Variants in ARMCX4 observed in about 807,000 individuals in gnomAD.
ARMCX4 encodes the protein armadillo repeat-containing X-linked protein 4.
ARMCX4 carries 3 observed loss-of-function variants against 34.7 expected under a neutral mutation model. The observed-to-expected ratio is 0.09, with a 90% confidence interval of 0.04 to 0.22. ARMCX4 has a LOEUF of 0.22. Ranked by LOEUF, ARMCX4 falls within the 10% of genes least tolerant of loss-of-function variation. ARMCX4 has a pLI of 1.00. For synonymous variants in ARMCX4, 513 were observed against 632.8 expected, an observed-to-expected ratio of 0.81 and a Z score of 2.84; for missense variants, 1,448 against 1,720.8, an observed-to-expected ratio of 0.84 and a Z score of 2.81.
intron 12 of ARMCX4, chrX:101,532,763 A>G (rs952205961): frequency 8.9e-6 from 1 of 111,921 alleles, no homozygotes; most frequent in Admixed American, 9.5e-5. Flanking sequence ...CTTCAGTGGG[A>G]AACTGTAACA....
chrX:101,526,753 G>A (rs1556020661), intron 11 of ARMCX4, among the ~76,000 whole-genome samples: 1 of 111,896 alleles, frequency 8.9e-6, no homozygotes, highest in South Asian at 3.7e-4. Context: ...ACATAATGGT[G>A]AAGGGATCAA....
chrX:101,497,299 C>T (rs1434152102), downstream of ARMCX4, among the ~76,000 whole-genome samples: 7 of 109,843 alleles, frequency 6.4e-5, no homozygotes, highest in South Asian at 3.9e-4. Flanking sequence ...TACAATGGCA[C>T]GGTCTGGGCT....
intron 4 of ARMCX4, among the ~76,000 whole-genome samples, chrX:101,455,907 G>A (rs913126551): frequency 2.7e-5 from 3 of 110,957 alleles, no homozygotes; most frequent in Non-Finnish European, 5.7e-5. Context: ...GTCAGAATAC[G>A]AGACATACGG....
At chrX:101,518,252 G>A (rs1267780352) in intron 11 of ARMCX4, among the ~76,000 whole-genome samples, 2 of 111,378 alleles carry the variant, frequency 1.8e-5, no homozygotes, top group Non-Finnish European at 3.8e-5. Context: ...TATAATAACA[G>A]AGTAAAAAAT....
At chrX:101,477,232 G>T in intron 4 of ARMCX4, among the ~76,000 whole-genome samples, 1 of 108,525 alleles carries the variant, frequency 9.2e-6, no homozygotes, top group Non-Finnish European at 1.9e-5. Flanking sequence ...TTGAAGTCAA[G>T]AGTTTGAGGC....
rs1556009291 is a variant in ARMCX4 at position 101,491,683 on chromosome X, A to T, written c.3094A>T (p.Ile1032Phe). ...AGTRHSAQPQ[I>F]VAGSQGETLP... is the part of the protein sequence containing the mutation. ...CACAAGGCACTCTGCCCAGCCTCAG[A>T]TTGTGGCCGGTTCCCAGGGTGAGAC... Residue 1032 changes from isoleucine to phenylalanine, a missense_variant, in exon 6 of 6, where the codon ATT becomes TTT. Physicochemically the swap from Ile to Phe is conservative, Grantham distance 21. This residue lies in a region of ARMCX4 where 1,343 missense variants were observed against 1,540.7 expected (regional missense o/e 0.87). Transcript: ENST00000423738. The T allele has an allele frequency of 8.7e-7, 1 of 1,152,533 alleles. No individual in the cohort carries two copies. The highest frequency in any genetic ancestry group is 1.8e-5 in the African/African-American group (1 of 55,235). The allele number at this position is 1,152,533 out of a possible 1,213,427, so 95.0% of individuals were successfully genotyped here.
chrX:101,444,025 C>T (rs1555997516), intron 2 of ARMCX4: 1 of 371,471 alleles, frequency 2.7e-6, no homozygotes, highest in African/African-American at 2.6e-5. Flanking sequence ...AAGCAGGAAC[C>T]CTTATAACTA....
intron 1 of ARMCX4, chrX:101,418,853 G>A (rs1273509297): frequency 1.9e-5 from 2 of 105,464 alleles, no homozygotes; most frequent in African/African-American, 7.0e-5. Context: ...TTTATTTTCA[G>A]TTGAGTGTTG....
intron 11 of ARMCX4, among the ~76,000 whole-genome samples, chrX:101,521,834 G>T (rs1332286919): frequency 1.8e-5 from 2 of 111,256 alleles, no homozygotes; most frequent in Non-Finnish European, 3.8e-5. Flanking sequence ...ATTTTTTGTT[G>T]TTGATTCTTA....
intron 2 of ARMCX4, among the ~76,000 whole-genome samples, chrX:101,429,510 A>G (rs1237136077): frequency 1.8e-5 from 2 of 108,460 alleles, no homozygotes; most frequent in Non-Finnish European, 3.8e-5. Flanking sequence ...TAATTTTTGT[A>G]TTTTTAGTAG....
chrX:101,529,721 A>G (rs1470354171), intron 11 of ARMCX4, among the ~76,000 whole-genome samples: 1 of 112,722 alleles, frequency 8.9e-6, no homozygotes, highest in Non-Finnish European at 1.9e-5. Flanking sequence ...CAGCCAACAG[A>G]CACATGAAAA....
At chrX:101,481,667 A>T (rs1157379335), upstream of ARMCX4, among the ~76,000 whole-genome samples, 3 of 111,535 alleles carry the variant, frequency 2.7e-5, no homozygotes, top group Non-Finnish European at 5.6e-5. Context: ...AAAATCTCAC[A>T]TCCTTCTTTT....
At chrX:101,438,387 A>G (rs890765014) in intron 2 of ARMCX4, among the ~76,000 whole-genome samples, 1 of 111,345 alleles carries the variant, frequency 9.0e-6, no homozygotes, top group Non-Finnish European at 1.9e-5. Context: ...ACAGGGTGAA[A>G]CCCAATCTCT....
intron 8 of ARMCX4, among the ~76,000 whole-genome samples, chrX:101,508,982 T>C (rs782589356): frequency 2.7e-5 from 3 of 111,812 alleles, no homozygotes; most frequent in South Asian, 3.7e-4. Context: ...AGTTACATAG[T>C]ATATTAGGAT....
At position 101,526,450 on chromosome X, in the gene ARMCX4, G is replaced by A. The variant is rs1438469422; in HGVS notation, c.*1781-5194G>A. Among the ~76,000 whole-genome samples the A allele has an allele frequency of 4.5e-5, 5 of 111,678 alleles. No individual in the cohort carries two copies. The East Asian group carries it at 8.4e-4, about 19-fold the overall frequency. On this transcript the variant is annotated intron_variant and NMD_transcript_variant, in intron 11 of 12. Coordinates refer to the ARMCX4 transcript ENST00000354842. Reference sequence around the variant, plus strand: ...CTAATGAGCAAAATAACCAGCTAACGTCATAATGACAGGATCAAATTCACA... The same window carrying A: ...CTAATGAGCAAAATAACCAGCTAACATCATAATGACAGGATCAAATTCACA...
chrX:101,516,694 CTCCTGCGCAGATAACTCACAATCT>C (rs1388088451), intron 11 of ARMCX4: 1 of 111,209 alleles, frequency 9.0e-6, no homozygotes, highest in East Asian at 2.8e-4. Context: ...ACACACACCC[CTCCTGCGCAGATAACTCACAATCT>C]TCTTGTGTCC....
chrX:101,468,683 G>A (rs1273662579), intron 4 of ARMCX4, among the ~76,000 whole-genome samples: 1 of 107,455 alleles, frequency 9.3e-6, no homozygotes, highest in Non-Finnish European at 1.9e-5. Flanking sequence ...GCACGATCTC[G>A]GCTCACTGCA....
intron 8 of ARMCX4, among the ~76,000 whole-genome samples, chrX:101,506,014 T>C (rs1556015052): frequency 9.0e-6 from 1 of 111,655 alleles, no homozygotes; most frequent in Admixed American, 9.5e-5. Flanking sequence ...GCTAATTTTT[T>C]GTATTTTTCA....
rs1354258873 is a variant in ARMCX4, at chrX:101,488,778, A to G, written c.189A>G (p.Ala63=). The change falls in exon 6 of 6, where the codon GCA becomes GCG. Residue 63 remains alanine (A), a synonymous_variant. Transcript: ENST00000423738. ...VQSQTLAINE[A]EIKTKPQVEI... ...GCCAGACCTTGGCCATAAATGAAGC[A>G]GAGATTAAGACTAAACCCCAAGTCG... 1 of 1,154,762 alleles carries G rather than the reference A, an allele frequency of 8.7e-7. No individual in the cohort carries two copies. The highest frequency in any genetic ancestry group is 2.6e-5 in the Admixed American group (1 of 38,457).
Sources: allele counts gnomAD v4.1 joint callset (sites outside exome capture counted in the v4.1 genomes callset), GRCh38; gene constraint gnomAD v4.1.1; regional missense constraint gnomAD v4.1.1; transcripts MANE v1.5; gene names NCBI Gene and HGNC (gene_info 2026-07-23, HGNC 2026-07-21).